Variants in C1orf87 observed in about 807,000 individuals in gnomAD.
C1orf87 encodes uncharacterized protein C1orf87.
A neutral mutation model predicts 60.5 loss-of-function variants in C1orf87; 58 were observed. That is an observed-to-expected ratio of 0.96 (90% CI 0.78 to 1.19). The LOEUF (loss-of-function observed/expected upper bound fraction) is 1.19. Among genes scored for constraint, C1orf87 ranks in the 50% most tolerant of loss-of-function variants. The pLI, the probability that C1orf87 is intolerant of heterozygous loss-of-function variation, is 0.00. For missense variants in C1orf87, 673 were observed against 638.6 expected (o/e 1.05, Z -0.58); for synonymous variants, 236 against 227.4 (o/e 1.04, Z -0.34).
At chr1:60,025,837 A>G (rs1262265109) in intron 7 of C1orf87, among the ~76,000 whole-genome samples, 2 of 152,198 alleles carry the variant, frequency 1.3e-5, no homozygotes, top group Non-Finnish European at 2.9e-5. Context: ...ACTTGATTAT[A>G]TAGGTAAATT....
intron 9 of C1orf87, 47 bp downstream of exon 9, chr1:60,010,345 G>A (rs777835558): frequency 5.6e-5 from 85 of 1,518,694 alleles, no homozygotes; most frequent in Non-Finnish European, 7.3e-5. Context: ...AACAATAGCT[G>A]TGAAAAATGG....
chr1:60,037,524 A>T (rs1197004407), intron 6 of C1orf87, among the ~76,000 whole-genome samples: 1 of 152,184 alleles, frequency 6.6e-6, no homozygotes, highest in African/African-American at 2.4e-5. Context: ...AGGGTGAGAG[A>T]TAAACCCGCT....
intron 9 of C1orf87, among the ~76,000 whole-genome samples, chr1:60,009,499 TTTTTTATCCCTCAG>T (rs1557459396): frequency 6.6e-6 from 1 of 152,040 alleles, no homozygotes; most frequent in Admixed American, 6.6e-5. Flanking sequence ...CACCATATTC[TTTTTTATCCCTCAG>T]CTTTGGATAC....
intron 2 of C1orf87, among the ~76,000 whole-genome samples, chr1:60,064,499 C>A (rs1645521979): frequency 7.5e-6 from 1 of 134,036 alleles, no homozygotes; most frequent in South Asian, 2.2e-4. Flanking sequence ...AATGCACATA[C>A]CTTAATTAAA....
intron 9 of C1orf87, among the ~76,000 whole-genome samples, chr1:60,005,867 C>T (rs976762648): frequency 2.7e-5 from 4 of 147,384 alleles, no homozygotes. Context: ...AAGACAGCAA[C>T]TATGTTTTGC....
chr1:59,992,287 A>G (rs112795717), intron 11 of C1orf87, among the ~76,000 whole-genome samples: 51 of 151,430 alleles, frequency 3.4e-4, no homozygotes, highest in African/African-American at 1.2e-3. Flanking sequence ...ACAGGGTCTT[A>G]CTCTGTTGCC....
intron 10 of C1orf87, among the ~76,000 whole-genome samples, chr1:59,999,935 C>T (rs1644991172): frequency 6.6e-6 from 1 of 152,134 alleles, no homozygotes; most frequent in Non-Finnish European, 1.5e-5. Context: ...CTGTGGGACG[C>T]CTTCCCCAAC....
Position 60,033,507 on chromosome 1 carries a change from C to A in C1orf87, c.998G>T (p.Arg333Leu). Reference protein sequence around the residue: ...NLNLSFRKEDRSFSGCLPLPK... With the variant: ...NLNLSFRKEDLSFSGCLPLPK... Reference sequence around the variant, plus strand: ...TAGAGGGAGGCAGCCAGAGAACGAGCGATCTTCTTTTCGAAAACTCAGATT... The same window carrying A: ...TAGAGGGAGGCAGCCAGAGAACGAGAGATCTTCTTTTCGAAAACTCAGATT... Residue 333 changes from arginine to leucine, a missense_variant, in exon 7 of 12, where the codon CGC (arginine) becomes CTC (leucine). By Grantham distance (102) the Arg-to-Leu change is moderately radical (BLOSUM62 -2). Coordinates refer to ENST00000371201, the MANE Select transcript of C1orf87 (RefSeq NM_152377.3). 1.9e-6 allele frequency: 3 copies of A among 1,613,796 alleles called. No homozygotes were observed. The highest frequency in any genetic ancestry group is 1.1e-5 in the South Asian group (1 of 90,972).
intron 10 of C1orf87, among the ~76,000 whole-genome samples, chr1:59,999,408 G>A (rs1644986273): frequency 6.6e-6 from 1 of 152,174 alleles, no homozygotes; most frequent in Admixed American, 6.5e-5. Context: ...TTAGAAATCA[G>A]ATGAAAGCTT....
At chr1:60,055,809 T>G (rs1349332180) in intron 2 of C1orf87, among the ~76,000 whole-genome samples, 1 of 152,126 alleles carries the variant, frequency 6.6e-6, no homozygotes, top group Non-Finnish European at 1.5e-5. Context: ...AAACAGTTTG[T>G]CAGCTCCAGT....
intron 10 of C1orf87, among the ~76,000 whole-genome samples, chr1:59,998,137 T>C (rs1267372181): frequency 6.6e-6 from 1 of 152,182 alleles, no homozygotes; most frequent in Non-Finnish European, 1.5e-5. Context: ...TTTGTACTAG[T>C]GGGGTCTGCA....
chr1:60,038,919 G>C (rs553040634), intron 5 of C1orf87, among the ~76,000 whole-genome samples: 1 of 152,224 alleles, frequency 6.6e-6, no homozygotes, highest in Admixed American at 6.5e-5. Flanking sequence ...AGCTAGATAG[G>C]GCCCCTGATA....
chr1:60,029,399 A>T (rs1355997932), intron 7 of C1orf87, among the ~76,000 whole-genome samples: 1 of 151,634 alleles, frequency 6.6e-6, no homozygotes, highest in Non-Finnish European at 1.5e-5. Context: ...TTTTTTTCCC[A>T]TTTGAATCTG....
chr1:60,000,590 A>G (rs888520897), intron 10 of C1orf87, among the ~76,000 whole-genome samples: 4 of 152,058 alleles, frequency 2.6e-5, no homozygotes, highest in African/African-American at 9.7e-5. Flanking sequence ...GGAATATTAA[A>G]ATGGGTTTTA....
intron 11 of C1orf87, among the ~76,000 whole-genome samples, chr1:59,995,509 C>G (rs1168568778): frequency 1.3e-5 from 2 of 152,306 alleles, no homozygotes; most frequent in African/African-American, 4.8e-5. Context: ...GCAGTCCTGT[C>G]TTGGTACTCG....
At chr1:60,038,526 A>G (rs1296338276) in intron 5 of C1orf87, among the ~76,000 whole-genome samples, 1 of 152,036 alleles carries the variant, frequency 6.6e-6, no homozygotes, top group Non-Finnish European at 1.5e-5. Flanking sequence ...GCTCTATGGA[A>G]ATAAACATGA....
intron 2 of C1orf87, 44 bp downstream of exon 2, chr1:60,072,493 A>T: frequency 2.1e-6 from 3 of 1,420,826 alleles, no homozygotes; most frequent in Non-Finnish European, 2.9e-6. Flanking sequence ...ATAAAACTTC[A>T]TTATCATCCA....
At position 60,055,228 on chromosome 1, in the gene C1orf87, G is replaced by C. The variant is rs768156639; in HGVS notation, c.318C>G (p.Asn106Lys). ...CATTGCCATCCAGGAATCTGCTACT[G>C]TTTGCCCCTGTTAGTAGTTTCTGGT... ...ENNQKLLTGANSSRFLDGNIP... is the reference protein window; with the variant it reads ...ENNQKLLTGAKSSRFLDGNIP... The change falls in exon 3 of 12, where the codon AAC becomes AAG. Residue 106 changes from asparagine to lysine, a missense_variant. Asn to Lys is a moderately conservative substitution (Grantham distance 94, BLOSUM62 0). Transcript: ENST00000371201. 7 of 1,613,908 alleles carry C rather than the reference G, an allele frequency of 4.3e-6. No individual in the cohort carries two copies. The South Asian group carries it at 5.5e-5, about 13-fold the overall frequency.
intron 1 of C1orf87, among the ~76,000 whole-genome samples, chr1:60,073,108 T>G (rs1413431908): frequency 6.6e-6 from 1 of 152,220 alleles, no homozygotes; most frequent in Non-Finnish European, 1.5e-5. Context: ...ATTTATGAGA[T>G]CAGGGTAATT....
Sources: allele counts gnomAD v4.1 joint callset (sites outside exome capture counted in the v4.1 genomes callset), GRCh38; gene constraint gnomAD v4.1.1; transcripts MANE v1.5; gene names NCBI Gene and HGNC (gene_info 2026-07-23, HGNC 2026-07-21).